Variants in CYP19A1 observed in about 807,000 individuals in gnomAD.
The protein encoded by CYP19A1 is cytochrome P450 family 19 subfamily A member 1.
A neutral mutation model predicts 44.4 loss-of-function variants in CYP19A1; 32 were observed. The ratio of observed to expected loss-of-function variants is 0.72; its 90% confidence interval spans 0.54 to 0.97. The LOEUF (loss-of-function observed/expected upper bound fraction) is 0.97, where lower values mean the gene tolerates loss of function less well. Among genes scored for constraint, CYP19A1 ranks in the 50% least tolerant of loss-of-function variants. The pLI, the probability that CYP19A1 is intolerant of heterozygous loss-of-function variation, is 0.00. For missense variants in CYP19A1, 598 were observed against 637.8 expected (o/e 0.94, Z 0.67); for synonymous variants, 212 against 215.6 (o/e 0.98, Z 0.14).
chr15:51,320,972 C>T (rs981506824), intron 1 of CYP19A1: 1 of 152,338 alleles, frequency 6.6e-6, no homozygotes, highest in African/African-American at 2.4e-5. Flanking sequence ...AGACCAGCCA[C>T]ACTCCAGTGC....
chr15:51,273,864 G>A (rs900817112), intron 1 of CYP19A1, among the ~76,000 whole-genome samples: 18 of 152,028 alleles, frequency 1.2e-4, no homozygotes, highest in African/African-American at 2.4e-4. Context: ...AAAATTAGCC[G>A]GGCATGGTGG....
At chr15:51,301,925 A>G (rs1409172291) in intron 1 of CYP19A1, among the ~76,000 whole-genome samples, 5 of 152,256 alleles carry the variant, frequency 3.3e-5, no homozygotes, top group Admixed American at 3.3e-4. Flanking sequence ...GAGAAAAAAT[A>G]TTCACAAGAT....
chr15:51,236,385 T>C (rs1174084198), intron 3 of CYP19A1, among the ~76,000 whole-genome samples: 5 of 152,204 alleles, frequency 3.3e-5, no homozygotes, highest in African/African-American at 7.2e-5. Flanking sequence ...TTTTATTTTT[T>C]AAAAGACAGG....
At chr15:51,282,758 A>G (rs538572774) in intron 1 of CYP19A1, among the ~76,000 whole-genome samples, 1 of 152,246 alleles carries the variant, frequency 6.6e-6, no homozygotes, top group Non-Finnish European at 1.5e-5. Context: ...AAAGCAGGGG[A>G]TGCATTGTCA....
At chr15:51,337,703 C>G (rs2036799666) in intron 1 of CYP19A1, 2 of 152,430 alleles carry the variant, frequency 1.3e-5, no homozygotes, top group South Asian at 4.1e-4. Flanking sequence ...CTGTGTGGCA[C>G]TGCGGTGGAA....
At chr15:51,230,148 A>T (rs975635864) in intron 3 of CYP19A1, among the ~76,000 whole-genome samples, 3 of 152,238 alleles carry the variant, frequency 2.0e-5, no homozygotes, top group African/African-American at 7.2e-5. Flanking sequence ...ACTTACTAAA[A>T]GTAGGCTGGA....
Position 51,210,893 on chromosome 15 carries a change from T to G in CYP19A1, c.1427A>C (p.Asp476Ala), listed in dbSNP as rs1375003102. 1 of 1,592,078 alleles carries G rather than the reference T, an allele frequency of 6.3e-7. No individual in the cohort carries two copies. Among genetic ancestry groups the G allele is most frequent in the Admixed American group, 1.7e-5 (1 of 59,988 alleles). Reference sequence around the variant, plus strand: ...AGTCTCATCTGGGTGCAAGGACAAGTCGTGTATCTTCTGTATGCTCTCAAC... The same window carrying G: ...AGTCTCATCTGGGTGCAAGGACAAGGCGTGTATCTTCTGTATGCTCTCAAC... Reference protein sequence around the residue: ...QCVESIQKIHDLSLHPDETKN... With the variant: ...QCVESIQKIHALSLHPDETKN... Residue 476 changes from aspartate to alanine, a missense_variant, in exon 10 of 10, where the codon GAC becomes GCC. By Grantham distance (126) the Asp-to-Ala change is moderately radical. Coordinates refer to ENST00000396402, the MANE Select transcript of CYP19A1 (RefSeq NM_000103.4).
chr15:51,247,028 T>C (rs1242267266), intron 1 of CYP19A1, among the ~76,000 whole-genome samples: 1 of 152,166 alleles, frequency 6.6e-6, no homozygotes. Flanking sequence ...CTGTACCTCT[T>C]CCCTGTCTAT....
chr15:51,220,612 A>G (rs1215543337), intron 5 of CYP19A1, among the ~76,000 whole-genome samples: 1 of 152,264 alleles, frequency 6.6e-6, no homozygotes, highest in African/African-American at 2.4e-5. Flanking sequence ...CTATTGATAC[A>G]TAATGGATAT....
chr15:51,320,833 C>T (rs2036514743), intron 1 of CYP19A1: 1 of 152,010 alleles, frequency 6.6e-6, no homozygotes, highest in Non-Finnish European at 1.5e-5. Flanking sequence ...TTAATTCAAC[C>T]CAGCATATTC....
At chr15:51,229,219 A>G (rs1295688409) in intron 3 of CYP19A1, among the ~76,000 whole-genome samples, 1 of 152,004 alleles carries the variant, frequency 6.6e-6, no homozygotes, top group Non-Finnish European at 1.5e-5. Context: ...GAACAGGATT[A>G]TTATTGTATA....
intron 1 of CYP19A1, among the ~76,000 whole-genome samples, chr15:51,295,277 A>AT (rs1232648066): frequency 6.6e-6 from 1 of 152,116 alleles, no homozygotes; most frequent in Non-Finnish European, 1.5e-5. Flanking sequence ...GTGATTCAGA[A>AT]GGACAAGTAA....
At position 51,212,349 on chromosome 15, in the gene CYP19A1, C is replaced by T. The variant is rs199887515; in HGVS notation, c.1234G>A (p.Glu412Lys). Residue 412 changes from glutamate (E) to lysine (K), a missense_variant, in exon 9 of 10, where the codon GAA becomes AAA. Coordinates refer to ENST00000396402, the MANE Select transcript of CYP19A1 (RefSeq NM_000103.4). Reference sequence around the variant, plus strand: ...TTTGCAAAATTTTCAAGAGTAAATTCATTGGGTTTGGGGAAAAACTCGAGT... The same window carrying T: ...TTTGCAAAATTTTCAAGAGTAAATTTATTGGGTTTGGGGAAAAACTCGAGT... ...HRLEFFPKPN[E>K]FTLENFAKNV... 59 of 1,602,020 alleles carry T rather than the reference C, an allele frequency of 3.7e-5. No homozygotes were observed. The highest frequency in any genetic ancestry group is 5.0e-5 in the Non-Finnish European group (59 of 1,169,152).
chr15:51,210,419 G>A lies in CYP19A1; in HGVS notation c.*389C>T. ...TTGGCCTGGTCTTTCTAATCAACTT[G>A]AGTGTTTCTGCCCCAGACATAAAAA... is the stretch of plus-strand genomic sequence containing the variant. On this transcript the variant is annotated 3_prime_UTR_variant, in exon 10 of 10. Transcript: ENST00000396402. 2.0e-6 allele frequency: 1 copy of A among 512,564 alleles called. No individual in the cohort carries two copies. Among genetic ancestry groups the A allele is most frequent in the Non-Finnish European group, 3.8e-6 (1 of 261,996 alleles). 31.8% of individuals were successfully genotyped at this position (512,564 alleles called of 1,614,324 possible). A position where few individuals can be genotyped will look rare whatever the true frequency, so the allele number is the denominator to read the frequency against.
chr15:51,228,066 C>A, intron 3 of CYP19A1, 133 bp from the exon 4 acceptor site: 1 of 722,308 alleles, frequency 1.4e-6, no homozygotes, highest in Admixed American at 1.9e-5. Context: ...TTCTAGTATT[C>A]GGGTTGAATA....
At chr15:51,290,746 T>A (rs1213270667) in intron 1 of CYP19A1, among the ~76,000 whole-genome samples, 1 of 152,228 alleles carries the variant, frequency 6.6e-6, no homozygotes, top group African/African-American at 2.4e-5. Flanking sequence ...CCTTCTTCCT[T>A]CCCTCCGAGC....
intron 1 of CYP19A1, among the ~76,000 whole-genome samples, chr15:51,247,444 T>C (rs984932558): frequency 2.0e-5 from 3 of 149,448 alleles, no homozygotes; most frequent in Non-Finnish European, 4.4e-5. Context: ...TCTCCCCCTG[T>C]CCTTACTTTT....
chr15:51,331,024 G>A (rs1487803009), intron 1 of CYP19A1, among the ~76,000 whole-genome samples: 2 of 152,138 alleles, frequency 1.3e-5, no homozygotes, highest in South Asian at 2.1e-4. Context: ...ATGGCTGGTT[G>A]ACTTTGGGAA....
chr15:51,214,441 G>A (rs1595669227), intron 8 of CYP19A1, among the ~76,000 whole-genome samples: 1 of 152,106 alleles, frequency 6.6e-6, no homozygotes, highest in East Asian at 1.9e-4. Flanking sequence ...TCACTGGATT[G>A]GAGTGGAGAG....
Sources: allele counts gnomAD v4.1 joint callset (sites outside exome capture counted in the v4.1 genomes callset), GRCh38; gene constraint gnomAD v4.1.1; transcripts MANE v1.5; gene names NCBI Gene and HGNC (gene_info 2026-07-23, HGNC 2026-07-21).